Variants in SGCZ observed in about 807,000 individuals in gnomAD.
SGCZ encodes sarcoglycan zeta, also known as zeta-sarcoglycan.
Under a neutral mutation model 41.3 loss-of-function variants are expected in SGCZ, and 40 were observed. That is an observed-to-expected ratio of 0.97 (90% CI 0.75 to 1.26). The LOEUF (loss-of-function observed/expected upper bound fraction) is 1.26. Ranked by LOEUF, SGCZ falls within the 50% of genes most tolerant of loss-of-function variation. The pLI is 0.00. For missense variants in SGCZ, 552 were observed against 369.8 expected (o/e 1.49, Z -4.04); for synonymous variants, 206 against 137.5 (o/e 1.50, Z -3.49).
intron 2 of SGCZ, among the ~76,000 whole-genome samples, chr8:14,347,597 A>T (rs1391317001): frequency 9.4e-5 from 14 of 149,686 alleles, no homozygotes. Context: ...ATCTACATAT[A>T]CTTTATAAAA....
At chr8:15,080,999 A>G (rs1350542151) in intron 1 of SGCZ, among the ~76,000 whole-genome samples, 1 of 152,136 alleles carries the variant, frequency 6.6e-6, no homozygotes, top group Non-Finnish European at 1.5e-5. Context: ...CAAGCCAAGC[A>G]GAGAGGCCTC....
chr8:14,170,052 ACTTG>A (rs1804329453), intron 4 of SGCZ, among the ~76,000 whole-genome samples: 1 of 87,576 alleles, frequency 1.1e-5, no homozygotes, highest in African/African-American at 2.9e-5. Flanking sequence ...GGGTTCTTTC[ACTTG>A]ATTTTTTTTT....
Position 14,866,653 on chromosome 8 carries a change from A to G in SGCZ, c.40-311727T>C, listed in dbSNP as rs572101975. Among the ~76,000 whole-genome samples, 7 of 152,162 alleles carry G rather than the reference A, an allele frequency of 4.6e-5. No individual in the cohort carries two copies. In the East Asian group the frequency reaches 1.4e-3, roughly 30 times the overall value. ...AGCAAAACACCGCCTCTACAAAAAT[A>G]CAAAGAATGAGCTGGGCATGATGGT... On this transcript the variant is annotated intron_variant, in intron 1 of 7. Coordinates refer to ENST00000382080, the MANE Select transcript of SGCZ (RefSeq NM_139167.4).
chr8:14,812,100 G>C (rs192094152), intron 1 of SGCZ, among the ~76,000 whole-genome samples: 53 of 151,646 alleles, frequency 3.5e-4, no homozygotes, highest in African/African-American at 1.2e-3. Flanking sequence ...AACTGAAACA[G>C]TACAAATTTT....
At chr8:14,090,712 A>G (rs1801664855) in intron 7 of SGCZ, 75 bp from the exon 8 acceptor site, 3 of 1,290,094 alleles carry the variant, frequency 2.3e-6, no homozygotes, top group South Asian at 2.9e-5. Flanking sequence ...CCTCCTCAAC[A>G]TGGTCTAATA....
chr8:14,145,287 C>T (rs909294170), intron 5 of SGCZ, among the ~76,000 whole-genome samples: 8 of 152,066 alleles, frequency 5.3e-5, no homozygotes, highest in African/African-American at 1.9e-4. Flanking sequence ...CCTGGTAATC[C>T]AGAGAATTCT....
At chr8:14,580,245 A>G (rs1356526235) in intron 1 of SGCZ, among the ~76,000 whole-genome samples, 5 of 152,236 alleles carry the variant, frequency 3.3e-5, no homozygotes, top group African/African-American at 9.6e-5. Context: ...GAAACTAGGA[A>G]TCTTAGCTAT....
At chr8:15,069,908 TTTATATATCTA>T in intron 1 of SGCZ, among the ~76,000 whole-genome samples, 1 of 152,170 alleles carries the variant, frequency 6.6e-6, no homozygotes, top group East Asian at 1.9e-4. Context: ...TCTGTTTCAT[TTTATATATCTA>T]TTAGGCACAG....
At chr8:14,779,841 T>C (rs1238465484) in intron 1 of SGCZ, among the ~76,000 whole-genome samples, 1 of 152,212 alleles carries the variant, frequency 6.6e-6, no homozygotes, top group Non-Finnish European at 1.5e-5. Flanking sequence ...GGTGATCATT[T>C]GATTATTAAT....
At chr8:14,208,908 G>A (rs908865458) in intron 4 of SGCZ, among the ~76,000 whole-genome samples, 1 of 152,122 alleles carries the variant, frequency 6.6e-6, no homozygotes, top group Non-Finnish European at 1.5e-5. Flanking sequence ...TTACTGAAAG[G>A]TAGCCCCCAA....
At chr8:14,244,552 C>A (rs1001269656) in intron 3 of SGCZ, among the ~76,000 whole-genome samples, 7 of 152,064 alleles carry the variant, frequency 4.6e-5, no homozygotes, top group African/African-American at 1.4e-4. Context: ...GTTCTTTTGG[C>A]TTAGGATTGA....
chr8:15,202,377 T>A (rs1339006246), intron 1 of SGCZ, among the ~76,000 whole-genome samples: 1 of 152,190 alleles, frequency 6.6e-6, no homozygotes, highest in Non-Finnish European at 1.5e-5. Context: ...GAGACCATTA[T>A]TTTAAATAAG....
At position 14,088,033 on chromosome 8, in the gene SGCZ, G is replaced by A. The variant is rs1456632883; in HGVS notation, c.*2410C>T. Among the ~76,000 whole-genome samples, 2 of 151,634 alleles carry A rather than the reference G, an allele frequency of 1.3e-5. No individual in the cohort carries two copies. On this transcript the variant is annotated 3_prime_UTR_variant, in exon 8 of 8. Coordinates refer to ENST00000382080, the MANE Select transcript of SGCZ (RefSeq NM_139167.4). ...ATGCATTTGAATTAAAAATGTGTCA[G>A]TCCCTCACTGGAATCGGTTTTTACA...
At position 15,064,629 on chromosome 8, in the gene SGCZ, G is replaced by C. The variant is rs182437958; in HGVS notation, c.39+172956C>G. ...GAAACTCACCAGATCACCACATTCA[G>C]ACAATCAAGATGCTGGACCTCTCAT... On this transcript the variant is annotated intron_variant, in intron 1 of 7. Transcript: ENST00000382080. Among the ~76,000 whole-genome samples, 4 of 151,122 alleles carry C rather than the reference G, an allele frequency of 2.6e-5. No homozygotes were observed. In the East Asian group the frequency reaches 7.8e-4, roughly 30 times the overall value.
At chr8:14,105,298 C>T (rs1802169389) in intron 6 of SGCZ, among the ~76,000 whole-genome samples, 1 of 152,072 alleles carries the variant, frequency 6.6e-6, no homozygotes, top group Admixed American at 6.5e-5. Context: ...AAATCCACTA[C>T]ATTTCTTCAC....
At chr8:14,282,061 T>G (rs7823603) in intron 3 of SGCZ, among the ~76,000 whole-genome samples, 3,846 of 152,236 alleles carry the variant, frequency 0.025, 181 homozygotes, top group African/African-American at 0.087. Context: ...AGAAATAAAC[T>G]TAGTCTTTCT....
intron 2 of SGCZ, among the ~76,000 whole-genome samples, chr8:14,510,631 A>G (rs776203578): frequency 1.3e-5 from 2 of 152,156 alleles, no homozygotes; most frequent in Non-Finnish European, 2.9e-5. Context: ...CATTGGTAGA[A>G]CATCATGAAG....
chr8:14,580,258 C>T (rs780199354), intron 1 of SGCZ, among the ~76,000 whole-genome samples: 11 of 152,240 alleles, frequency 7.2e-5, no homozygotes, highest in South Asian at 6.2e-4. Context: ...TTAGCTATCA[C>T]GATAATTTTG....
chr8:14,959,195 A>T (rs930451814), intron 1 of SGCZ, among the ~76,000 whole-genome samples: 1 of 152,160 alleles, frequency 6.6e-6, no homozygotes, highest in Non-Finnish European at 1.5e-5. Context: ...AGATATCAGA[A>T]GTTATTCACA....
Sources: allele counts gnomAD v4.1 joint callset (sites outside exome capture counted in the v4.1 genomes callset), GRCh38; gene constraint gnomAD v4.1.1; transcripts MANE v1.5; gene names NCBI Gene and HGNC (gene_info 2026-07-23, HGNC 2026-07-21).